KCTD13: variants seen among roughly 807,000 people sequenced by gnomAD.
KCTD13 encodes the protein potassium channel tetramerization domain containing 13.
A neutral mutation model predicts 32.3 loss-of-function variants in KCTD13; 15 were observed. The ratio of observed to expected loss-of-function variants is 0.46; its 90% CI spans 0.31 to 0.71. KCTD13 has a LOEUF of 0.71. Ranked by LOEUF, KCTD13 falls within the 30% of genes least tolerant of loss-of-function variation. KCTD13 has a pLI of 0.05. For synonymous variants in KCTD13, 189 were observed against 200.1 expected (o/e 0.94, Z 0.47); for missense variants, 337 against 452.6 (o/e 0.74, Z 2.32).
At position 29,906,976 on chromosome 16, in the gene KCTD13, C is replaced by T; in HGVS notation, c.886G>A (p.Glu296Lys). ...AAGAGGAGRG[E>K]DEENREHRVR... ...CGGTGCTCTCGGTTCTCTTCATCCT[C>T]CCCGCGGCCAGCCCCACCAGCTCCA... is the stretch of plus-strand genomic sequence containing the variant. The change falls in exon 6 of 6, where the codon GAG becomes AAG. Residue 296 changes from glutamate (E) to lysine (K), a missense_variant. Glu to Lys is a moderately conservative substitution (Grantham distance 56). This residue lies in a region of KCTD13 where 252 missense variants were observed against 340.2 expected (regional missense o/e 0.74). Transcript: ENST00000568000. 1.2e-6 allele frequency: 2 copies of T among 1,614,206 alleles called. No homozygotes were observed. Among genetic ancestry groups the T allele is most frequent in the Non-Finnish European group, 1.7e-6 (2 of 1,180,038 alleles).
In KCTD13 at chr16:29,911,963, G is replaced by A; in HGVS notation, c.501C>T (p.Ser167=). 6.2e-7 allele frequency: 1 copy of A among 1,611,418 alleles called. No individual in the cohort carries two copies. Among genetic ancestry groups the A allele is most frequent in the Non-Finnish European group, 8.5e-7 (1 of 1,179,138 alleles). ...CTGCAGGGCTTGGGGGCCTCACCTT[G>A]GAGGTGCTGGCCAGGAGCTGCTGCT... ...REEQQLLAST[S]KPVVKLLHNR... The change falls in exon 3 of 6, where the codon TCC becomes TCT. Residue 167 remains serine (S), a synonymous_variant. Transcript: ENST00000568000.
At chr16:29,917,594 ACGT>A (rs1030498607) in intron 2 of KCTD13, among the ~76,000 whole-genome samples, 17 of 152,268 alleles carry the variant, frequency 1.1e-4, no homozygotes, top group African/African-American at 4.1e-4. Flanking sequence ...AGTCTGGCCA[ACGT>A]CGTGAAACCC....
chr16:29,924,713 T>C (rs1036296673), intron 1 of KCTD13, among the ~76,000 whole-genome samples: 58 of 151,380 alleles, frequency 3.8e-4, no homozygotes, highest in Admixed American at 3.7e-3. Context: ...GACAAATGAA[T>C]TCTTCCCTTT....
intron 1 of KCTD13, 152 bp from the exon 2 acceptor site, chr16:29,923,511 C>T (rs2068948193): frequency 9.2e-6 from 6 of 648,728 alleles, no homozygotes; most frequent in Non-Finnish European, 1.6e-5. Flanking sequence ...CCCATCTCGG[C>T]CTCCCAAGTA....
chr16:29,925,558 G>A (rs561051505), intron 1 of KCTD13: 4 of 583,530 alleles, frequency 6.9e-6, no homozygotes, highest in Non-Finnish European at 1.2e-5. Flanking sequence ...TGGCAGTTAG[G>A]GGTTCCGTAA....
Position 29,925,814 on chromosome 16 carries a change from C to T in KCTD13, c.220G>A (p.Val74Met), listed in dbSNP as rs1332470699. 3 of 1,613,924 alleles carry T rather than the reference C, an allele frequency of 1.9e-6. No individual in the cohort carries two copies. Among genetic ancestry groups the T allele is most frequent in the East Asian group, 2.2e-5 (1 of 44,870 alleles). Residue 74 changes from valine to methionine, a missense_variant, in exon 1 of 6, where the codon GTG becomes ATG. Coordinates refer to ENST00000568000, the MANE Select transcript of KCTD13 (RefSeq NM_178863.5). Reference protein sequence around the residue: ...TMLKAMFSGRVEVLTDAGGWV... With the variant: ...TMLKAMFSGRMEVLTDAGGWV... ...CCTCCGGCATCGGTCAGCACCTCCA[C>T]GCGGCCGCTGAACATGGCTTTGAGC... is the stretch of plus-strand genomic sequence containing the variant.
Position 29,907,054 on chromosome 16 carries a change from C to T in KCTD13, c.808G>A (p.Glu270Lys), listed in dbSNP as rs2068625987. The T allele has an allele frequency of 3.7e-6, 6 of 1,613,628 alleles. No homozygotes were observed. The highest frequency in any genetic ancestry group is 5.1e-6 in the Non-Finnish European group (6 of 1,179,572). ...FEETLNILIY[E>K]TPRGPDPALL... Reference sequence around the variant, plus strand: ...GCTGGGTCTGGGCCCCGGGGAGTCTCGTAGATGAGGATGTTCAGGGTCTCC... The same window carrying T: ...GCTGGGTCTGGGCCCCGGGGAGTCTTGTAGATGAGGATGTTCAGGGTCTCC... The change falls in exon 6 of 6, where the codon GAG becomes AAG. Residue 270 changes from glutamate to lysine, a missense_variant. Around this residue, in one of 3 missense-constraint regions of KCTD13, gnomAD observed 252 missense variants for 340.2 expected, o/e 0.74. Transcript: ENST00000568000.
intron 1 of KCTD13, chr16:29,925,455 G>A: frequency 2.6e-6 from 1 of 380,462 alleles, no homozygotes. Flanking sequence ...AGGCAGCAGG[G>A]CTAGTTCCCA....
At chr16:29,910,868 T>C in intron 5 of KCTD13, 110 bp downstream of exon 5, 1 of 957,360 alleles carries the variant, frequency 1.0e-6, no homozygotes. Context: ...CCCCAGGATC[T>C]GGCTCCTGCC....
chr16:29,906,412 C>T lies in KCTD13; in HGVS notation c.*460G>A, dbSNP rs1238405052. 6 of 366,778 alleles carry T rather than the reference C, an allele frequency of 1.6e-5. No homozygotes were observed. Among genetic ancestry groups the T allele is most frequent in the Non-Finnish European group, 2.7e-5 (5 of 184,960 alleles). The allele number at this position is 366,778 out of a possible 1,614,324, so 22.7% of individuals were successfully genotyped here. A position where few individuals can be genotyped will look rare whatever the true frequency, so the allele number is the denominator to read the frequency against. On this transcript the variant is annotated 3_prime_UTR_variant, in exon 6 of 6. Transcript: ENST00000568000. ...TAAATAATATGAAACAGACTGATAA[C>T]GCTGAGCTGGGCAGGCCCAGGCCAG...
chr16:29,906,740 T>G lies in KCTD13; in HGVS notation c.*132A>C. On this transcript the variant is annotated 3_prime_UTR_variant, in exon 6 of 6. Transcript: ENST00000568000. The stretch of plus-strand genomic sequence containing the variant: ...GGTGGAGAAGGGCCAAAGTGAGCTG[T>G]GCCATGCAATGAAGGGACAGAGGAG... 1 of 730,442 alleles carries G rather than the reference T, an allele frequency of 1.4e-6. No homozygotes were observed. The highest frequency in any genetic ancestry group is 2.4e-6 in the Non-Finnish European group (1 of 422,858). 45.2% of individuals were successfully genotyped at this position (730,442 alleles called of 1,614,324 possible).
In KCTD13 at chr16:29,925,918, T is replaced by A. The variant is rs760617392; in HGVS notation, c.116A>T (p.Asn39Ile). 2 of 1,614,036 alleles carry A rather than the reference T, an allele frequency of 1.2e-6. No individual in the cohort carries two copies. The highest frequency in any genetic ancestry group is 1.7e-6 in the Non-Finnish European group (2 of 1,179,932). The change falls in exon 1 of 6, where the codon AAC becomes ATC. Residue 39 changes from asparagine (N) to isoleucine (I), a missense_variant. Physicochemically the swap from Asn to Ile is moderately radical, Grantham distance 149 (BLOSUM62 -3). This residue lies in a region of KCTD13 where 64 missense variants were observed against 59.6 expected (regional missense o/e 1.07). Coordinates refer to ENST00000568000, the MANE Select transcript of KCTD13 (RefSeq NM_178863.5). Reference sequence around the variant, plus strand: ...CACGTTCAGCTTCACGTATTTGCTGTTCGGGGTCAGCGGCTTGAGACCGTA... The same window carrying A: ...CACGTTCAGCTTCACGTATTTGCTGATCGGGGTCAGCGGCTTGAGACCGTA... ...AAYGLKPLTP[N>I]SKYVKLNVGG...
intron 4 of KCTD13, 57 bp from the exon 5 acceptor site, chr16:29,911,230 C>T: frequency 7.3e-7 from 1 of 1,377,242 alleles, no homozygotes; most frequent in South Asian, 1.3e-5. Flanking sequence ...CCTCTGTACC[C>T]CCAGAAGACG....
intron 2 of KCTD13, chr16:29,920,099 A>C (rs1423614827): frequency 6.6e-6 from 1 of 152,244 alleles, no homozygotes; most frequent in African/African-American, 2.4e-5. Flanking sequence ...AGGCAGGTGG[A>C]TCACTTGAGG....
intron 4 of KCTD13, 165 bp from the exon 5 acceptor site, chr16:29,911,338 A>G (rs2068705090): frequency 3.2e-6 from 2 of 621,190 alleles, no homozygotes; most frequent in African/African-American, 1.9e-5. Flanking sequence ...CGGGTCTCAG[A>G]AGGGAAGCCA....
intron 1 of KCTD13, among the ~76,000 whole-genome samples, chr16:29,925,383 G>A (rs1455704460): frequency 6.6e-6 from 1 of 152,204 alleles, no homozygotes; most frequent in Admixed American, 6.5e-5. Context: ...CTGAAGCAGA[G>A]AGGGAAACAA....
intron 5 of KCTD13, 75 bp downstream of exon 5, chr16:29,910,903 G>A (rs2068695447): frequency 3.5e-6 from 5 of 1,434,154 alleles, no homozygotes; most frequent in Admixed American, 2.0e-5. Flanking sequence ...TCCTTCCCCT[G>A]CCAACCTGCT....
Position 29,911,810 on chromosome 16 carries a change from G to A in KCTD13, c.557+5C>T, listed in dbSNP as rs2068717217. 5 of 1,612,502 alleles carry A rather than the reference G, an allele frequency of 3.1e-6. No homozygotes were observed. The highest frequency in any genetic ancestry group is 4.2e-6 in the Non-Finnish European group (5 of 1,179,640). The stretch of plus-strand genomic sequence containing the variant: ...CCGCCCAGTGCCCCGCACCCCGGCG[G>A]TCACCTGGTGTAGGAGTACTTGTTG... On this transcript the variant is annotated splice_donor_5th_base_variant and intron_variant, in intron 4 of 5. Coordinates refer to ENST00000568000, the MANE Select transcript of KCTD13 (RefSeq NM_178863.5).
intron 5 of KCTD13, 50 bp from the exon 6 acceptor site, chr16:29,907,158 AG>A: frequency 7.4e-7 from 1 of 1,349,396 alleles, no homozygotes; most frequent in Non-Finnish European, 1.0e-6. Context: ...GCAGTCACGC[AG>A]GGCCATCCCC....
Sources: gnomAD v4.1 joint callset for allele counts (sites outside exome capture counted in the v4.1 genomes callset) on GRCh38, gnomAD v4.1.1 for gene constraint, gnomAD v4.1.1 regional missense constraint, MANE v1.5 for transcripts, NCBI Gene and HGNC (gene_info 2026-07-23, HGNC 2026-07-21) for gene names.